AGFG1: variants seen among roughly 807,000 people sequenced by gnomAD.
The protein encoded by AGFG1 is ArfGAP with FG repeats 1.
AGFG1 carries 10 observed loss-of-function variants against 60.6 expected under a neutral mutation model. The ratio of observed to expected loss-of-function variants is 0.16; its 90% CI spans 0.10 to 0.28. The LOEUF (loss-of-function observed/expected upper bound fraction) is 0.28. Among genes scored for constraint, AGFG1 ranks in the 10% least tolerant of loss-of-function variants. The pLI is 1.00. For missense variants in AGFG1, 537 were observed against 676.5 expected (o/e 0.79, Z 2.29); for synonymous variants, 247 against 242.9 (o/e 1.02, Z -0.16).
At chr2:227,511,043 A>C (rs1045213706) in intron 2 of AGFG1, among the ~76,000 whole-genome samples, 2 of 152,194 alleles carry the variant, frequency 1.3e-5, no homozygotes, top group Non-Finnish European at 2.9e-5. Context: ...TTTCACCAAA[A>C]CTTATTCTGG....
chr2:227,480,838 C>G (rs1404924364), intron 1 of AGFG1, among the ~76,000 whole-genome samples: 1 of 152,140 alleles, frequency 6.6e-6, no homozygotes, highest in Non-Finnish European at 1.5e-5. Flanking sequence ...ATGTTTTATT[C>G]TGCCTTCTTT....
At chr2:227,498,636 T>A (rs532304066) in intron 2 of AGFG1, among the ~76,000 whole-genome samples, 1 of 152,336 alleles carries the variant, frequency 6.6e-6, no homozygotes, top group South Asian at 2.1e-4. Context: ...TGTTAACTGT[T>A]GGCTTTCAGA....
intron 2 of AGFG1, among the ~76,000 whole-genome samples, chr2:227,495,085 GTA>G (rs2106173650): frequency 6.6e-6 from 1 of 152,274 alleles, no homozygotes; most frequent in East Asian, 1.9e-4. Context: ...GAGGAGATAT[GTA>G]TATCATTAAG....
At chr2:227,478,299 A>G (rs1231544427) in intron 1 of AGFG1, among the ~76,000 whole-genome samples, 1 of 150,528 alleles carries the variant, frequency 6.6e-6, no homozygotes, top group African/African-American at 2.4e-5. Context: ...ATATATACAT[A>G]TATAATATAT....
chr2:227,553,912 A>T (rs1692895964), intron 12 of AGFG1, 117 bp downstream of exon 12: 1 of 694,662 alleles, frequency 1.4e-6, no homozygotes, highest in African/African-American at 1.8e-5. Context: ...TATGAGTGAC[A>T]TCATAAGATT....
chr2:227,499,925 G>T (rs974580075), intron 2 of AGFG1, among the ~76,000 whole-genome samples: 4 of 152,180 alleles, frequency 2.6e-5, no homozygotes, highest in Non-Finnish European at 5.9e-5. Flanking sequence ...CATCTGAGTT[G>T]TAGTCCTTTT....
rs183444481 is a variant in AGFG1, at chr2:227,501,737, C to T, written c.261+10097C>T. On this transcript the variant is annotated intron_variant, in intron 2 of 12. Coordinates refer to ENST00000310078, the MANE Select transcript of AGFG1 (RefSeq NM_004504.5). The stretch of plus-strand genomic sequence containing the variant: ...CAGCTGGGACCATAGGCATACACCA[C>T]CACGCGTGGCCCATTTTTTTATTTT... Among the ~76,000 whole-genome samples the T allele has an allele frequency of 2.0e-5, 3 of 152,264 alleles. No homozygotes were observed. In the East Asian group the frequency reaches 5.8e-4, roughly 29 times the overall value.
chr2:227,493,422 G>A (rs185754866), intron 2 of AGFG1, among the ~76,000 whole-genome samples: 2 of 152,216 alleles, frequency 1.3e-5, no homozygotes, highest in Admixed American at 1.3e-4. Flanking sequence ...TTGTACTTCT[G>A]TGATTGGCAT....
intron 5 of AGFG1, among the ~76,000 whole-genome samples, chr2:227,529,525 G>A (rs1439997152): frequency 6.6e-6 from 1 of 152,108 alleles, no homozygotes; most frequent in Non-Finnish European, 1.5e-5. Context: ...CTTCATGTGA[G>A]CATTCAGGCT....
chr2:227,501,606 G>T (rs930291501), intron 2 of AGFG1, among the ~76,000 whole-genome samples: 5 of 152,016 alleles, frequency 3.3e-5, no homozygotes, highest in African/African-American at 1.2e-4. Context: ...TTGAGACAGG[G>T]TCTCAACTTC....
At chr2:227,508,153 C>G (rs1393149973) in intron 2 of AGFG1, 1 of 152,972 alleles carries the variant, frequency 6.5e-6, no homozygotes, top group Non-Finnish European at 1.5e-5. Context: ...TGCTAATTCT[C>G]TCTGTTCCTT....
intron 6 of AGFG1, chr2:227,532,077 T>C: frequency 7.3e-7 from 1 of 1,362,830 alleles, no homozygotes; most frequent in South Asian, 1.3e-5. Flanking sequence ...GCCTTTTCTT[T>C]CAATTTTCTT....
At chr2:227,504,991 C>T (rs982371593) in intron 2 of AGFG1, among the ~76,000 whole-genome samples, 5 of 152,104 alleles carry the variant, frequency 3.3e-5, no homozygotes, top group Non-Finnish European at 5.9e-5. Context: ...TTACTGATTT[C>T]GTCTAGTTAA....
chr2:227,533,525 A>G (rs201170953), intron 6 of AGFG1, 24 bp from the exon 7 acceptor site: 1,134 of 1,605,484 alleles, frequency 7.1e-4, no homozygotes, highest in Non-Finnish European at 9.3e-4. Flanking sequence ...AGAAATTTCA[A>G]GTGCTCTGTT....
At chr2:227,549,558 T>C (rs1692758419) in intron 10 of AGFG1, among the ~76,000 whole-genome samples, 1 of 152,230 alleles carries the variant, frequency 6.6e-6, no homozygotes, top group African/African-American at 2.4e-5. Context: ...ATTTTTCCCT[T>C]GTAATACTTA....
intron 2 of AGFG1, among the ~76,000 whole-genome samples, chr2:227,508,937 T>C (rs1288162649): frequency 6.6e-6 from 1 of 152,124 alleles, no homozygotes; most frequent in African/African-American, 2.4e-5. Flanking sequence ...AGTGTGGAAG[T>C]TGGTTATTCA....
At chr2:227,534,256 G>A (rs1692244210) in intron 7 of AGFG1, among the ~76,000 whole-genome samples, 1 of 152,112 alleles carries the variant, frequency 6.6e-6, no homozygotes. Flanking sequence ...TAGCAGGTGT[G>A]TGTTGCTAAA....
chr2:227,532,998 A>G (rs1236773022), intron 6 of AGFG1, among the ~76,000 whole-genome samples: 1 of 152,218 alleles, frequency 6.6e-6, no homozygotes, highest in Non-Finnish European at 1.5e-5. Flanking sequence ...TTGTATACAC[A>G]TTAAACTATT....
At chr2:227,540,506 G>C (rs1387767650) in intron 10 of AGFG1, among the ~76,000 whole-genome samples, 1 of 152,060 alleles carries the variant, frequency 6.6e-6, no homozygotes, top group Admixed American at 6.5e-5. Flanking sequence ...TCATCCGTGT[G>C]CCTACAAAGG....
Sources: allele counts gnomAD v4.1 joint callset (sites outside exome capture counted in the v4.1 genomes callset), GRCh38; gene constraint gnomAD v4.1.1; transcripts MANE v1.5; gene names NCBI Gene and HGNC (gene_info 2026-07-23, HGNC 2026-07-21).